PRR5: variants seen among roughly 807,000 people sequenced by gnomAD.
The protein encoded by PRR5 is proline rich 5, also known as proline-rich protein 5.
Under a neutral mutation model 30.6 loss-of-function variants are expected in PRR5, and 25 were observed. That is an observed-to-expected ratio of 0.82 (90% CI 0.60 to 1.14). PRR5 has a LOEUF of 1.14. Ranked by LOEUF, PRR5 falls within the 50% of genes most tolerant of loss-of-function variation. PRR5 has a pLI of 0.00. For missense variants in PRR5, 600 were observed against 547.1 expected (o/e 1.10, Z -0.96); for synonymous variants, 286 against 247.1 (o/e 1.16, Z -1.48).
At chr22:44,710,293 C>G (rs76736572) in intron 1 of PRR5, among the ~76,000 whole-genome samples, 22,651 of 152,108 alleles carry the variant, frequency 0.15, 1,837 homozygotes, top group Admixed American at 0.2. Flanking sequence ...GCACCCCCCC[C>G]CCAGCGCTCA....
chr22:44,686,347 A>AT (rs903719902), intron 1 of PRR5, among the ~76,000 whole-genome samples: 1 of 150,956 alleles, frequency 6.6e-6, no homozygotes, highest in Non-Finnish European at 1.5e-5. Flanking sequence ...GTTGTTGTTG[A>AT]TTTTTTTGAG....
chr22:44,722,470 C>T (rs991560207), intron 2 of PRR5, among the ~76,000 whole-genome samples: 5 of 152,240 alleles, frequency 3.3e-5, no homozygotes, highest in African/African-American at 1.2e-4. Context: ...GCAGGAGCCA[C>T]CTCCATCCCA....
intron 4 of PRR5, among the ~76,000 whole-genome samples, chr22:44,727,299 C>T (rs1049671579): frequency 2.6e-5 from 4 of 152,082 alleles, no homozygotes; most frequent in Non-Finnish European, 5.9e-5. Context: ...GCAGCAGCAG[C>T]GTGCGCATCC....
chr22:44,721,749 C>G (rs12627956), intron 2 of PRR5, among the ~76,000 whole-genome samples: 41,696 of 152,112 alleles, frequency 0.27, 5,902 homozygotes, highest in African/African-American at 0.32. Flanking sequence ...ACAAGGGTGC[C>G]GAGGCCCAGA....
chr22:44,724,265 GTC>G (rs1369426195), intron 2 of PRR5, among the ~76,000 whole-genome samples: 1 of 152,018 alleles, frequency 6.6e-6, no homozygotes, highest in African/African-American at 2.4e-5. Context: ...GTGAAACCCC[GTC>G]TCTACTAAAA....
chr22:44,730,652 C>T (rs371492408), intron 4 of PRR5: 5 of 1,029,016 alleles, frequency 4.9e-6, no homozygotes, highest in Non-Finnish European at 5.8e-6. Context: ...CTACGTCTGG[C>T]AAGCCCAGCT....
At chr22:44,675,620 G>A (rs796414803), upstream of PRR5, among the ~76,000 whole-genome samples, 112 of 152,240 alleles carry the variant, frequency 7.4e-4, no homozygotes, top group African/African-American at 2.6e-3. Context: ...CTGCATCTCA[G>A]TTTCCTGCTC....
intron 1 of PRR5, among the ~76,000 whole-genome samples, chr22:44,712,560 G>T (rs117100411): frequency 1.3e-5 from 2 of 152,336 alleles, no homozygotes; most frequent in East Asian, 3.9e-4. Context: ...GATGCTGGCC[G>T]CTCTGTGACC....
At chr22:44,726,097 A>G (rs16992694) in intron 3 of PRR5, among the ~76,000 whole-genome samples, 5,079 of 152,270 alleles carry the variant, frequency 0.033, 275 homozygotes, top group African/African-American at 0.11. Flanking sequence ...GATGGGCTGC[A>G]TTTTGTGGTC....
intron 7 of PRR5, among the ~76,000 whole-genome samples, chr22:44,735,828 G>T (rs978285726): frequency 1.3e-5 from 2 of 152,254 alleles, no homozygotes; most frequent in African/African-American, 2.4e-5. Flanking sequence ...ATCCAGAGGG[G>T]CTCCCCGTCC....
At chr22:44,676,264 A>G (rs1923751542), upstream of PRR5, among the ~76,000 whole-genome samples, 1 of 151,446 alleles carries the variant, frequency 6.6e-6, no homozygotes, top group Admixed American at 6.6e-5. Flanking sequence ...GGTGGCATGC[A>G]CTTGTGGTCT....
intron 1 of PRR5, among the ~76,000 whole-genome samples, chr22:44,692,003 C>T (rs1050118621): frequency 1.3e-5 from 2 of 152,108 alleles, no homozygotes; most frequent in African/African-American, 4.8e-5. Context: ...GGGCTGTTTC[C>T]TGCCTCCCTA....
chr22:44,713,139 G>T (rs1928515086), intron 1 of PRR5, among the ~76,000 whole-genome samples: 1 of 152,198 alleles, frequency 6.6e-6, no homozygotes, highest in African/African-American at 2.4e-5. Context: ...GAGGAGCCTG[G>T]ATGCTGCCTG....
chr22:44,722,425 C>T (rs992153044), intron 2 of PRR5, among the ~76,000 whole-genome samples: 3 of 152,212 alleles, frequency 2.0e-5, no homozygotes, highest in African/African-American at 4.8e-5. Context: ...CAGTACTGCC[C>T]GAGCCCCAGG....
chr22:44,669,949 A>G (rs747858570), intron 1 of PRR5, among the ~76,000 whole-genome samples: 1 of 152,146 alleles, frequency 6.6e-6, no homozygotes, highest in Non-Finnish European at 1.5e-5. Flanking sequence ...GGGGCTCTCC[A>G]AGTGAGGTCC....
Position 44,730,646 on chromosome 22 carries a change from G to A in PRR5, c.323-1084G>A, listed in dbSNP as rs1019245572. On this transcript the variant is annotated intron_variant, in intron 4 of 7. Transcript: ENST00000336985. ...TCAAGATGTGTCCCCATACCACTAC[G>A]TCTGGCAAGCCCAGCTCCTATAGCC... 4.4e-5 allele frequency: 45 copies of A among 1,028,314 alleles called. No homozygotes were observed. The African/African-American group carries it at 6.5e-4, about 15-fold the overall frequency. 63.7% of individuals were successfully genotyped at this position (1,028,314 alleles called of 1,614,324 possible).
chr22:44,730,693 G>A (rs925621414), intron 4 of PRR5: 3 of 1,002,178 alleles, frequency 3.0e-6, no homozygotes, highest in African/African-American at 3.5e-5. Flanking sequence ...TCTTCCTCCA[G>A]GAAGCCCTCC....
intron 1 of PRR5, among the ~76,000 whole-genome samples, chr22:44,677,993 G>T (rs78229829): frequency 0.023 from 3,548 of 152,250 alleles, 143 homozygotes; most frequent in African/African-American, 0.08. Context: ...GGTGCTGGGG[G>T]CCTCAAGGAC....
chr22:44,692,582 C>T (rs190286988), intron 1 of PRR5, among the ~76,000 whole-genome samples: 1 of 150,856 alleles, frequency 6.6e-6, no homozygotes, highest in African/African-American at 2.4e-5. Flanking sequence ...CTCCTCCTCC[C>T]GGGGCTCCTC....
Sources: gnomAD v4.1 joint callset for allele counts (sites outside exome capture counted in the v4.1 genomes callset) on GRCh38, gnomAD v4.1.1 for gene constraint, MANE v1.5 for transcripts, NCBI Gene and HGNC (gene_info 2026-07-23, HGNC 2026-07-21) for gene names.